WHRN: variants seen among roughly 807,000 people sequenced by gnomAD.
The protein encoded by WHRN is CASK-interacting protein CIP98.
WHRN carries 41 observed loss-of-function variants against 68.3 expected under a neutral mutation model. The ratio of observed to expected loss-of-function variants is 0.60; its 90% CI spans 0.47 to 0.78. The LOEUF (loss-of-function observed/expected upper bound fraction) is 0.78, where lower values mean the gene tolerates loss of function less well. Among genes scored for constraint, WHRN ranks in the 30% least tolerant of loss-of-function variants. WHRN has a pLI of 0.00. For synonymous variants in WHRN, 560 were observed against 561.3 expected, an observed-to-expected ratio of 1.00 and a Z score of 0.03; for missense variants, 1,243 against 1,244.7, an observed-to-expected ratio of 1.00 and a Z score of 0.02.
In WHRN at chr9:114,411,281, G is replaced by A. The variant is rs1167195640; in HGVS notation, c.1627-3263C>T. Among the ~76,000 whole-genome samples the A allele has an allele frequency of 2.0e-5, 3 of 152,304 alleles. No homozygotes were observed. The East Asian group carries it at 5.8e-4, about 29-fold the overall frequency. ...AGCCAGGCGCGTTAAGGTGAACAGT[G>A]AGGCAGTGATTGACATGCATTCACT... On this transcript the variant is annotated intron_variant, in intron 7 of 11. Transcript: ENST00000362057.
At chr9:114,481,207 T>C (rs1446126837) in intron 1 of WHRN, among the ~76,000 whole-genome samples, 1 of 152,088 alleles carries the variant, frequency 6.6e-6, no homozygotes, top group Non-Finnish European at 1.5e-5. Context: ...AAGAGGCAAG[T>C]CCCTGACATT....
intron 7 of WHRN, among the ~76,000 whole-genome samples, chr9:114,421,711 C>A (rs1351926411): frequency 2.6e-5 from 4 of 152,182 alleles, no homozygotes; most frequent in Admixed American, 6.5e-5. Flanking sequence ...AGGACCTGCA[C>A]CCTTAAACCA....
At chr9:114,484,582 T>C (rs550394932) in intron 1 of WHRN, among the ~76,000 whole-genome samples, 157 of 152,296 alleles carry the variant, frequency 1.0e-3, no homozygotes, top group African/African-American at 3.4e-3. Context: ...GGATGGTCAT[T>C]AGAGTGCTGT....
chr9:114,447,771 TCTTTCTC>T (rs1297885846), intron 3 of WHRN, among the ~76,000 whole-genome samples: 1 of 151,510 alleles, frequency 6.6e-6, no homozygotes, highest in African/African-American at 2.4e-5. Flanking sequence ...TCTCTCTCTC[TCTTTCTC>T]TCTGTCTCTC....
At chr9:114,406,298 G>A (rs1055918473) in intron 9 of WHRN, 57 bp downstream of exon 9, 3 of 1,600,458 alleles carry the variant, frequency 1.9e-6, no homozygotes, top group Non-Finnish European at 2.6e-6. Flanking sequence ...CAGGTAGACT[G>A]ACCTGAAGAG....
chr9:114,446,543 T>C (rs965921312), intron 3 of WHRN, among the ~76,000 whole-genome samples: 1 of 152,176 alleles, frequency 6.6e-6, no homozygotes, highest in Admixed American at 6.5e-5. Context: ...TAAAGGCTGG[T>C]TTTAGAAGGT....
intron 3 of WHRN, among the ~76,000 whole-genome samples, chr9:114,461,417 C>T (rs762633606): frequency 2.0e-5 from 3 of 152,208 alleles, no homozygotes; most frequent in Non-Finnish European, 2.9e-5. Context: ...TTGCAGCCCA[C>T]GTTTCCCACT....
At chr9:114,470,659 C>G (rs560422786) in intron 2 of WHRN, among the ~76,000 whole-genome samples, 4 of 152,262 alleles carry the variant, frequency 2.6e-5, no homozygotes, top group African/African-American at 9.6e-5. Context: ...GCTGAGGACA[C>G]AGTAGGCAGC....
intron 3 of WHRN, among the ~76,000 whole-genome samples, chr9:114,456,029 G>A (rs1839759538): frequency 6.6e-6 from 1 of 151,910 alleles, no homozygotes; most frequent in Non-Finnish European, 1.5e-5. Context: ...ATGGTTGTAT[G>A]GGTACTTGAA....
At chr9:114,496,173 G>A (rs1312193637) in intron 1 of WHRN, among the ~76,000 whole-genome samples, 1 of 152,088 alleles carries the variant, frequency 6.6e-6, no homozygotes, top group Non-Finnish European at 1.5e-5. Context: ...AGGCCATCAG[G>A]GAAGGTTGCT....
chr9:114,464,035 G>A (rs1490206576), intron 3 of WHRN, among the ~76,000 whole-genome samples: 4 of 152,192 alleles, frequency 2.6e-5, no homozygotes, highest in African/African-American at 9.7e-5. Context: ...TCTCCACAAT[G>A]TGATTATTAC....
Position 114,402,946 on chromosome 9 carries a change from G to A in WHRN, c.2542-10C>T, listed in dbSNP as rs781599365. Reference sequence around the variant, plus strand: ...GAGCTGAGCCGCCTCTCTGCAGGGAGGAGACACAGGGCATGGGGTGCCCAA... The same window carrying A: ...GAGCTGAGCCGCCTCTCTGCAGGGAAGAGACACAGGGCATGGGGTGCCCAA... On this transcript the variant is annotated splice_polypyrimidine_tract_variant and intron_variant, in intron 11 of 11. Coordinates refer to ENST00000362057, the MANE Select transcript of WHRN (RefSeq NM_015404.4). 1 of 1,605,474 alleles carries A rather than the reference G, an allele frequency of 6.2e-7. No homozygotes were observed. The highest frequency in any genetic ancestry group is 8.5e-7 in the Non-Finnish European group (1 of 1,176,302).
At position 114,424,483 on chromosome 9, in the gene WHRN, G is replaced by A. The variant is rs397517255; in HGVS notation, c.1267C>T (p.Arg423Ter). The change falls in exon 6 of 12, where the codon CGA becomes TGA. Residue 423 changes from arginine (R) to a stop codon, truncating the protein, a stop_gained. Coordinates refer to ENST00000362057, the MANE Select transcript of WHRN (RefSeq NM_015404.4). LOFTEE classifies it high-confidence loss of function. ...CGAGCCTGCTCCTCCAGCAGCACTCGTGTCTGGTTCCCCAGGCTGCTCAGG... is the reference window on the plus strand; with the variant it reads ...CGAGCCTGCTCCTCCAGCAGCACTCATGTCTGGTTCCCCAGGCTGCTCAGG... The part of the protein sequence containing the change: ...VTLSSLGNQT[R>*]VLLEEQARHL... 7.4e-6 allele frequency: 12 copies of A among 1,613,932 alleles called. No homozygotes were observed. In the East Asian group the frequency reaches 1.8e-4, roughly 24 times the overall value.
In WHRN at chr9:114,504,972, G is replaced by T. The variant is rs1844279656; in HGVS notation, c.-171C>A. Reference sequence around the variant, plus strand: ...TGGATCCTAGGGGGTCGCGGAGACCGCTGCTAGAGTCCCGGAGGCGCGAAG... The same window carrying T: ...TGGATCCTAGGGGGTCGCGGAGACCTCTGCTAGAGTCCCGGAGGCGCGAAG... On this transcript the variant is annotated 5_prime_UTR_variant, in exon 1 of 12. Transcript: ENST00000362057. 1.0e-6 allele frequency: 1 copy of T among 989,828 alleles called. No individual in the cohort carries two copies. The highest frequency in any genetic ancestry group is 1.3e-6 in the Non-Finnish European group (1 of 754,142). The allele number at this position is 989,828 out of a possible 1,614,324, so 61.3% of individuals were successfully genotyped here.
chr9:114,434,804 C>T (rs1410523309), intron 3 of WHRN, among the ~76,000 whole-genome samples: 1 of 152,182 alleles, frequency 6.6e-6, no homozygotes, highest in Non-Finnish European at 1.5e-5. Context: ...AACCTGATCT[C>T]GTCACACCCT....
At chr9:114,463,086 T>C (rs1311008592) in intron 3 of WHRN, among the ~76,000 whole-genome samples, 3 of 152,238 alleles carry the variant, frequency 2.0e-5, no homozygotes, top group Non-Finnish European at 4.4e-5. Flanking sequence ...CCAAGGACAC[T>C]ATGGCACCAC....
At chr9:114,432,748 G>T (rs558570746) in intron 3 of WHRN, among the ~76,000 whole-genome samples, 1 of 152,156 alleles carries the variant, frequency 6.6e-6, no homozygotes, top group East Asian at 1.9e-4. Context: ...TTTACTGAAT[G>T]AACAAGTATA....
rs10982207 is a variant in WHRN, at chr9:114,419,260, G to A, written c.1626+4054C>T. On this transcript the variant is annotated intron_variant, in intron 7 of 11. Transcript: ENST00000362057. ...TCTTTGTAAAATGGGGATCACAGCA[G>A]TACTCACAACTCCTAGCTCCTGGGA... Among the ~76,000 whole-genome samples the A allele has an allele frequency of 7.2e-3, 1,073 of 148,612 alleles. 12 individuals carry two copies. The highest frequency in any genetic ancestry group is 0.037 in the East Asian group (190 of 5,182).
intron 3 of WHRN, among the ~76,000 whole-genome samples, chr9:114,450,353 C>T (rs1057315314): frequency 6.6e-6 from 1 of 152,152 alleles, no homozygotes; most frequent in African/African-American, 2.4e-5. Flanking sequence ...CAGGATTAGC[C>T]TCGAGTTTAT....
Sources: gnomAD v4.1 joint callset for allele counts (sites outside exome capture counted in the v4.1 genomes callset) on GRCh38, gnomAD v4.1.1 for gene constraint, MANE v1.5 for transcripts, NCBI Gene and HGNC (gene_info 2026-07-23, HGNC 2026-07-21) for gene names.